The following TCF7L1 variants were observed in gnomAD, a reference collection of about 807,000 sequenced individuals.
The protein encoded by TCF7L1 is transcription factor 7 like 1.
In TCF7L1, 18 loss-of-function variants were observed where a neutral mutation model predicts 63.7. The ratio of observed to expected loss-of-function variants is 0.28; its 90% CI spans 0.20 to 0.42. The LOEUF (loss-of-function observed/expected upper bound fraction) is 0.42. Ranked by LOEUF, TCF7L1 falls within the 10% of genes least tolerant of loss-of-function variation. TCF7L1 has a pLI of 1.00. For missense variants in TCF7L1, 654 were observed against 779.3 expected, an observed-to-expected ratio of 0.84 and a Z score of 1.91; for synonymous variants, 355 against 340.9, an observed-to-expected ratio of 1.04 and a Z score of -0.46.
At chr2:85,190,819 T>C (rs1679025489) in intron 3 of TCF7L1, among the ~76,000 whole-genome samples, 1 of 152,172 alleles carries the variant, frequency 6.6e-6, no homozygotes, top group African/African-American at 2.4e-5. Flanking sequence ...GAGTGGTAAG[T>C]GCTGCAGGCA....
At chr2:85,150,249 T>G (rs1313956442) in intron 3 of TCF7L1, among the ~76,000 whole-genome samples, 2 of 151,948 alleles carry the variant, frequency 1.3e-5, no homozygotes, top group African/African-American at 4.8e-5. Context: ...TTTTTTTTTT[T>G]TTGAGACGGA....
intron 3 of TCF7L1, among the ~76,000 whole-genome samples, chr2:85,256,817 T>C (rs1680730062): frequency 6.6e-6 from 1 of 151,998 alleles, no homozygotes; most frequent in Non-Finnish European, 1.5e-5. Flanking sequence ...AAACCATCTC[T>C]AATAAAAATA....
At chr2:85,217,535 C>T (rs1357352840) in intron 3 of TCF7L1, among the ~76,000 whole-genome samples, 3 of 152,180 alleles carry the variant, frequency 2.0e-5, no homozygotes, top group African/African-American at 4.8e-5. Context: ...CATACAGACT[C>T]GGACATTCCA....
At chr2:85,212,821 G>A (rs1324500607) in intron 3 of TCF7L1, among the ~76,000 whole-genome samples, 1 of 152,120 alleles carries the variant, frequency 6.6e-6, no homozygotes, top group African/African-American at 2.4e-5. Context: ...ACGGTGAGAC[G>A]AACCCGCTGA....
At chr2:85,304,430 C>T (rs1416019837) in intron 7 of TCF7L1, 92 bp downstream of exon 7, 22 of 1,330,474 alleles carry the variant, frequency 1.7e-5, no homozygotes, top group Non-Finnish European at 2.3e-5. Context: ...AGTTAATGAG[C>T]AGGCACAGGG....
chr2:85,309,037 G>A lies in TCF7L1; in HGVS notation c.1342G>A (p.Ala448Thr), dbSNP rs758547233. The A allele has an allele frequency of 6.3e-7, 1 of 1,590,700 alleles. No homozygotes were observed. Among genetic ancestry groups the A allele is most frequent in the South Asian group, 1.1e-5 (1 of 89,900 alleles). The change falls in exon 12 of 12, where the codon GCC becomes ACC. Residue 448 changes from alanine (A) to threonine (T), a missense_variant. Coordinates refer to ENST00000282111, the MANE Select transcript of TCF7L1 (RefSeq NM_031283.3). ...QQVQEAEGALASKSKKPCVQY... is the reference protein window; with the variant it reads ...QQVQEAEGALTSKSKKPCVQY... Reference sequence around the variant, plus strand: ...TTGTATTTTCCCCCTAGGTGCCCTGGCCTCCAAGAGCAAGAAGCCATGTGT... The same window carrying A: ...TTGTATTTTCCCCCTAGGTGCCCTGACCTCCAAGAGCAAGAAGCCATGTGT...
rs779652266 is a variant in TCF7L1 at position 85,309,498 on chromosome 2, A to G, written c.*36A>G. 2.0e-6 allele frequency: 3 copies of G among 1,509,736 alleles called. No homozygotes were observed. The highest frequency in any genetic ancestry group is 2.7e-6 in the Non-Finnish European group (3 of 1,128,412). The allele number at this position is 1,509,736 out of a possible 1,614,324, so 93.5% of individuals were successfully genotyped here. A position where few individuals can be genotyped will look rare whatever the true frequency, so the allele number is the denominator to read the frequency against. On this transcript the variant is annotated 3_prime_UTR_variant, in exon 12 of 12. Coordinates refer to ENST00000282111, the MANE Select transcript of TCF7L1 (RefSeq NM_031283.3). The stretch of plus-strand genomic sequence containing the variant: ...ACCCCTGCAGGCTGTCACATGACTC[A>G]TTGAGTAGTAATGATTCAGAAGAAA...
intron 3 of TCF7L1, among the ~76,000 whole-genome samples, chr2:85,145,447 A>C (rs1307561034): frequency 1.3e-5 from 2 of 152,224 alleles, no homozygotes; most frequent in Non-Finnish European, 2.9e-5. Flanking sequence ...ATCAATTTAC[A>C]AGTCCAGATT....
At chr2:85,240,757 C>T (rs1234823523) in intron 3 of TCF7L1, among the ~76,000 whole-genome samples, 1 of 142,064 alleles carries the variant, frequency 7.0e-6, no homozygotes, top group East Asian at 2.0e-4. Context: ...GCCTGGGCAA[C>T]AGAGCAAGAC....
chr2:85,266,254 A>C (rs1680969224), intron 3 of TCF7L1, among the ~76,000 whole-genome samples: 1 of 152,220 alleles, frequency 6.6e-6, no homozygotes, highest in African/African-American at 2.4e-5. Flanking sequence ...TTATTTCCTT[A>C]GGATGCATTC....
intron 3 of TCF7L1, among the ~76,000 whole-genome samples, chr2:85,250,936 G>A (rs1378188039): frequency 1.3e-5 from 2 of 151,656 alleles, no homozygotes; most frequent in Admixed American, 1.3e-4. Context: ...CTGTAGTCTC[G>A]GAGAATGCTT....
chr2:85,139,109 A>G lies in TCF7L1; in HGVS notation c.441+4659A>G, dbSNP rs551542965. 5.6e-4 allele frequency among the ~76,000 whole-genome samples: 85 copies of G among 151,988 alleles called. 1 individual carries two copies. Among genetic ancestry groups the G allele is most frequent in the African/African-American group, 1.8e-3 (75 of 41,442 alleles). On this transcript the variant is annotated intron_variant, in intron 3 of 11. Coordinates refer to ENST00000282111, the MANE Select transcript of TCF7L1 (RefSeq NM_031283.3). ...CTGCAACCTCCACCTCCTGGGTTCA[A>G]GTGATTCTCCTGCCTCAGCCTCCTG...
intron 3 of TCF7L1, among the ~76,000 whole-genome samples, chr2:85,209,845 C>T (rs1436046272): frequency 6.6e-6 from 1 of 152,086 alleles, no homozygotes; most frequent in African/African-American, 2.4e-5. Context: ...TCCTATAGCC[C>T]TTTCCCAGGG....
At chr2:85,249,121 A>G (rs1431201827) in intron 3 of TCF7L1, among the ~76,000 whole-genome samples, 3 of 152,192 alleles carry the variant, frequency 2.0e-5, no homozygotes, top group Non-Finnish European at 4.4e-5. Flanking sequence ...TTTGCATTCT[A>G]CAAAGTAGCA....
intron 3 of TCF7L1, among the ~76,000 whole-genome samples, chr2:85,273,841 G>A (rs903905960): frequency 1.3e-5 from 2 of 152,184 alleles, no homozygotes; most frequent in African/African-American, 2.4e-5. Context: ...CTATGCCGGC[G>A]AATGGAGTGG....
At chr2:85,273,825 G>C (rs576391334) in intron 3 of TCF7L1, among the ~76,000 whole-genome samples, 1 of 152,326 alleles carries the variant, frequency 6.6e-6, no homozygotes, top group Admixed American at 6.5e-5. Context: ...TATGGGACCA[G>C]CCCTACTATG....
chr2:85,211,314 C>A (rs537462275), intron 3 of TCF7L1, among the ~76,000 whole-genome samples: 1 of 152,210 alleles, frequency 6.6e-6, no homozygotes, highest in Non-Finnish European at 1.5e-5. Context: ...GTGTGCACAG[C>A]ACTGCCCCTG....
At chr2:85,151,096 T>C (rs1453889294) in intron 3 of TCF7L1, among the ~76,000 whole-genome samples, 1 of 152,234 alleles carries the variant, frequency 6.6e-6, no homozygotes, top group African/African-American at 2.4e-5. Flanking sequence ...CTGAAGCTTT[T>C]ATAGTCTTTA....
chr2:85,268,661 C>T (rs113447801), intron 3 of TCF7L1, among the ~76,000 whole-genome samples: 4,773 of 151,404 alleles, frequency 0.032, 248 homozygotes, highest in African/African-American at 0.11. Context: ...AGGCTGGTGT[C>T]GAACTCCTGA....
Sources: allele counts gnomAD v4.1 joint callset (sites outside exome capture counted in the v4.1 genomes callset), GRCh38; gene constraint gnomAD v4.1.1; transcripts MANE v1.5; gene names NCBI Gene and HGNC (gene_info 2026-07-23, HGNC 2026-07-21).